Variants in HIP1 observed in about 807,000 individuals in gnomAD.
The protein encoded by HIP1 is huntingtin-interacting protein 1.
In HIP1, 65 loss-of-function variants were observed where a neutral mutation model predicts 147.6. The observed-to-expected ratio is 0.44, with a 90% CI of 0.36 to 0.54. The LOEUF (loss-of-function observed/expected upper bound fraction) is 0.54, where lower values mean the gene tolerates loss of function less well. Ranked by LOEUF, HIP1 falls within the 20% of genes least tolerant of loss-of-function variation. The probability of loss-of-function intolerance (pLI) is 0.00; values close to 1 mark genes in which losing one functional copy is unlikely to be tolerated. For synonymous variants in HIP1, 479 were observed against 504.0 expected (o/e 0.95, Z 0.67); for missense variants, 1,061 against 1,299.6 (o/e 0.82, Z 2.82).
At chr7:75,694,198 G>A (rs1251554097) in intron 1 of HIP1, among the ~76,000 whole-genome samples, 3 of 151,772 alleles carry the variant, frequency 2.0e-5, no homozygotes, top group Non-Finnish European at 4.4e-5. Flanking sequence ...GATTACAGGC[G>A]TGAGCCACCG....
chr7:75,592,358 C>T lies in HIP1; in HGVS notation c.327+14G>A, dbSNP rs1554500963. 2 of 1,597,706 alleles carry T rather than the reference C, an allele frequency of 1.3e-6. No individual in the cohort carries two copies. Among genetic ancestry groups the T allele is most frequent in the Non-Finnish European group, 8.5e-7 (1 of 1,173,254 alleles). ...TCCCTGGCTCCCTGCCACCCCATAGCCCCAGGAACTCACGTTCGGGTGTCC... is the reference window on the plus strand; with the variant it reads ...TCCCTGGCTCCCTGCCACCCCATAGTCCCAGGAACTCACGTTCGGGTGTCC... On this transcript the variant is annotated intron_variant, in intron 3 of 30. Transcript: ENST00000336926.
chr7:75,670,348 GGTTTCACCAT>G (rs1375244389), intron 1 of HIP1, among the ~76,000 whole-genome samples: 4 of 148,718 alleles, frequency 2.7e-5, no homozygotes, highest in Admixed American at 1.4e-4. Flanking sequence ...CTAGGGATGG[GGTTTCACCAT>G]GTTGCCCCGG....
intron 1 of HIP1, among the ~76,000 whole-genome samples, chr7:75,634,160 C>T (rs1004026179): frequency 3.3e-5 from 5 of 151,710 alleles, no homozygotes; most frequent in Admixed American, 6.6e-5. Flanking sequence ...CTTGGGAGGC[C>T]GAGATGGGAG....
chr7:75,644,165 T>C (rs1798732284), intron 1 of HIP1, among the ~76,000 whole-genome samples: 1 of 152,180 alleles, frequency 6.6e-6, no homozygotes, highest in African/African-American at 2.4e-5. Context: ...AACAGGCTAA[T>C]AAACATTATT....
At chr7:75,592,623 G>A in intron 2 of HIP1, 109 bp from the exon 3 acceptor site, 1 of 1,178,592 alleles carries the variant, frequency 8.5e-7, no homozygotes, top group Non-Finnish European at 1.2e-6. Context: ...GCCATCACAG[G>A]GGATAGAGGC....
At position 75,534,456 on chromosome 7, in the gene HIP1, TG is replaced by T. The variant is rs1423730300; in HGVS notation, c.*3715del. On this transcript the variant is annotated 3_prime_UTR_variant, in exon 31 of 31. Transcript: ENST00000336926. The stretch of plus-strand genomic sequence containing the variant: ...CTCTCTCTCTTTTTTTTTTTTGAGA[TG>T]GAGTCTCACTCTGTGACCCAGGCTG... 5.5e-6 allele frequency: 1 copy of T among 180,582 alleles called. No homozygotes were observed. The highest frequency in any genetic ancestry group is 9.0e-5 in the East Asian group (1 of 11,088). 11.2% of individuals were successfully genotyped at this position (180,582 alleles called of 1,614,324 possible).
chr7:75,727,412 T>C (rs534408833), intron 1 of HIP1, among the ~76,000 whole-genome samples: 53 of 152,102 alleles, frequency 3.5e-4, no homozygotes, highest in Middle Eastern at 6.8e-3. Flanking sequence ...TTCTTTCTTT[T>C]TTTTTTTTTA....
intron 1 of HIP1, among the ~76,000 whole-genome samples, chr7:75,661,943 T>A (rs1201067861): frequency 4.0e-5 from 6 of 151,304 alleles, no homozygotes; most frequent in Non-Finnish European, 8.8e-5. Context: ...ATGGAGAAGA[T>A]TTGCATATGG....
chr7:75,645,627 G>A (rs1306842674), intron 1 of HIP1, among the ~76,000 whole-genome samples: 7 of 152,150 alleles, frequency 4.6e-5, no homozygotes, highest in Admixed American at 6.6e-5. Context: ...CTGCCAAAAA[G>A]ACACCTGCAC....
At chr7:75,593,076 C>T (rs1370141131) in intron 2 of HIP1, among the ~76,000 whole-genome samples, 1 of 152,114 alleles carries the variant, frequency 6.6e-6, no homozygotes, top group African/African-American at 2.4e-5. Flanking sequence ...TCAGGCAATC[C>T]TCCTACCTCA....
chr7:75,583,390 C>T (rs115628108), intron 5 of HIP1, among the ~76,000 whole-genome samples: 1,989 of 152,236 alleles, frequency 0.013, 41 homozygotes, highest in African/African-American at 0.045. Context: ...CTGTCCTGAA[C>T]GTCCGTCTCA....
At chr7:75,653,889 ATG>A (rs1554512288) in intron 1 of HIP1, among the ~76,000 whole-genome samples, 2 of 152,144 alleles carry the variant, frequency 1.3e-5, no homozygotes, top group African/African-American at 4.8e-5. Context: ...TACTTGCTGA[ATG>A]TGTGAGTGAA....
At chr7:75,700,705 A>G (rs1800798126) in intron 1 of HIP1, among the ~76,000 whole-genome samples, 1 of 151,630 alleles carries the variant, frequency 6.6e-6, no homozygotes, top group African/African-American at 2.4e-5. Flanking sequence ...TGACCAGGTG[A>G]ACACTTTTTT....
intron 1 of HIP1, among the ~76,000 whole-genome samples, chr7:75,709,862 C>A (rs1801116366): frequency 6.6e-6 from 1 of 151,874 alleles, no homozygotes; most frequent in African/African-American, 2.4e-5. Context: ...TTCCTCTATT[C>A]CTAGTTTGTT....
In HIP1 at chr7:75,726,361, G is replaced by A. The variant is rs537054057; in HGVS notation, c.120+12440C>T. On this transcript the variant is annotated intron_variant, in intron 1 of 30. Transcript: ENST00000336926. ...TGCAATGGTTCGGTCTTGGCTCACT[G>A]TAACCTCTGCCTCCCGGGTTCAAGC... Among the ~76,000 whole-genome samples, 94 of 150,902 alleles carry A rather than the reference G, an allele frequency of 6.2e-4. 1 individual carries two copies. The highest frequency in any genetic ancestry group is 1.1e-3 in the Non-Finnish European group (76 of 67,838).
In HIP1 at chr7:75,610,187, G is replaced by T. The variant is rs1362575545; in HGVS notation, c.121-10940C>A. Reference sequence around the variant, plus strand: ...CAAAGTGCTGGGATTACAGGCATGAGCCACCTCATCCAGCCCTTTTTTTTT... The same window carrying T: ...CAAAGTGCTGGGATTACAGGCATGATCCACCTCATCCAGCCCTTTTTTTTT... On this transcript the variant is annotated intron_variant, in intron 1 of 30. Transcript: ENST00000336926. Among the ~76,000 whole-genome samples, 87 of 148,856 alleles carry T rather than the reference G, an allele frequency of 5.8e-4. 1 individual carries two copies. Among genetic ancestry groups the T allele is most frequent in the Non-Finnish European group, 2.7e-4 (18 of 67,646 alleles).
intron 1 of HIP1, among the ~76,000 whole-genome samples, chr7:75,661,208 GTCAAGGCTGCAGTGAGCCA>G (rs1318726724): frequency 6.6e-6 from 1 of 151,438 alleles, no homozygotes; most frequent in Non-Finnish European, 1.5e-5. Flanking sequence ...AGCCTGGGAG[GTCAAGGCTGCAGTGAGCCA>G]TCTTTGCATC....
At chr7:75,662,429 G>A (rs1799351198) in intron 1 of HIP1, among the ~76,000 whole-genome samples, 1 of 152,082 alleles carries the variant, frequency 6.6e-6, no homozygotes, top group Non-Finnish European at 1.5e-5. Context: ...CCTCCTACCT[G>A]GGACTCCCCC....
chr7:75,581,375 A>G lies in HIP1; in HGVS notation c.543-77T>C, dbSNP rs1584828362. ...TTACCTGTCCCCTCCCCCACGCTCT[A>G]CGCTACTCCAGTCTCCAATGCTCAT... is the stretch of plus-strand genomic sequence containing the variant. On this transcript the variant is annotated intron_variant, in intron 6 of 30. Coordinates refer to ENST00000336926, the MANE Select transcript of HIP1 (RefSeq NM_005338.7). 9 of 1,018,750 alleles carry G rather than the reference A, an allele frequency of 8.8e-6. No homozygotes were observed. The East Asian group carries it at 1.3e-4, about 14-fold the overall frequency. 63.1% of individuals were successfully genotyped at this position (1,018,750 alleles called of 1,614,324 possible). A position where few individuals can be genotyped will look rare whatever the true frequency, so the allele number is the denominator to read the frequency against.
Sources: gnomAD v4.1 joint callset for allele counts (sites outside exome capture counted in the v4.1 genomes callset) on GRCh38, gnomAD v4.1.1 for gene constraint, MANE v1.5 for transcripts, NCBI Gene and HGNC (gene_info 2026-07-23, HGNC 2026-07-21) for gene names.